CPXM1: variants seen among roughly 807,000 people sequenced by gnomAD.
CPXM1 encodes the protein probable carboxypeptidase X1.
In CPXM1, 72 loss-of-function variants were observed where a neutral mutation model predicts 80.4. The observed-to-expected ratio is 0.90, with a 90% CI of 0.74 to 1.09. The LOEUF (loss-of-function observed/expected upper bound fraction) is 1.09. CPXM1 is among the 50% of genes least tolerant of loss of function. CPXM1 has a pLI of 0.00. For missense variants in CPXM1, 892 were observed against 999.4 expected (o/e 0.89, Z 1.45); for synonymous variants, 403 against 405.6 (o/e 0.99, Z 0.08).
rs1396602206 is a variant in CPXM1, at chr20:2,796,509, C to T, written c.1045+18G>A. On this transcript the variant is annotated intron_variant, in intron 8 of 13. Transcript: ENST00000380605. The surrounding 1 kb of genome is among the most constrained non-coding windows in gnomAD (Gnocchi z 6.8). ...GCCCTGCCCTGTGCCTACCTCTCCC[C>T]ACTCCCCATGCCAGTACCCAGCTCA... 1 of 1,613,918 alleles carries T rather than the reference C, an allele frequency of 6.2e-7. No homozygotes were observed.
At chr20:2,798,611 G>C (rs215541) in intron 2 of CPXM1, 74 bp from the exon 3 acceptor site, 1,346,632 of 1,553,506 alleles carry the variant, frequency 0.87, 592,082 homozygotes, top group East Asian at 1. Context: ...TGAGCCTAAG[G>C]TTGCTCCTGC....
At chr20:2,799,853 C>G (rs1057498840) in intron 1 of CPXM1, among the ~76,000 whole-genome samples, 13 of 152,224 alleles carry the variant, frequency 8.5e-5, no homozygotes, top group Non-Finnish European at 2.9e-5. Context: ...CGCCTTCAAA[C>G]TCTCTCCTAC....
chr20:2,797,933 A>G, intron 5 of CPXM1, 35 bp downstream of exon 5: 1 of 1,595,544 alleles, frequency 6.3e-7, no homozygotes, highest in South Asian at 1.1e-5. Context: ...CCCAACTCCC[A>G]GCATGGAGGC....
Position 2,794,083 on chromosome 20 carries a change from C to CG in CPXM1, c.*106dup. On this transcript the variant is annotated 3_prime_UTR_variant, in exon 14 of 14. Coordinates refer to ENST00000380605, the MANE Select transcript of CPXM1 (RefSeq NM_019609.5). This position sits in a 1 kb window ranked among gnomAD's most constrained non-coding sequence, Gnocchi z 5.2. Reference sequence around the variant, plus strand: ...CAACACGAAGATGAGCTAAGGTGCCCGGTAGCTTTAATGAGCACCTTTTCC... The same window carrying CG: ...CAACACGAAGATGAGCTAAGGTGCCCGGGTAGCTTTAATGAGCACCTTTTCC... The CG allele has an allele frequency of 1.4e-6, 2 of 1,457,114 alleles. No individual in the cohort carries two copies. The highest frequency in any genetic ancestry group is 2.8e-5 in the African/African-American group (2 of 70,802). 90.3% of individuals were successfully genotyped at this position (1,457,114 alleles called of 1,614,324 possible).
In CPXM1 at chr20:2,796,704, C is replaced by T. The variant is rs2088513876; in HGVS notation, c.922-54G>A. On this transcript the variant is annotated intron_variant, in intron 7 of 13. Coordinates refer to ENST00000380605, the MANE Select transcript of CPXM1 (RefSeq NM_019609.5). This position sits in a 1 kb window ranked among gnomAD's most constrained non-coding sequence, Gnocchi z 6.8. ...GGCATGGGAGGGGTACACCCAGGGG[C>T]AGATCACATGTGCCATGGAAAGACT... 3.7e-6 allele frequency: 6 copies of T among 1,601,922 alleles called. No individual in the cohort carries two copies. The highest frequency in any genetic ancestry group is 5.1e-6 in the Non-Finnish European group (6 of 1,173,138).
At chr20:2,800,297 C>G in intron 1 of CPXM1, 104 bp downstream of exon 1, 1 of 1,033,880 alleles carries the variant, frequency 9.7e-7, no homozygotes, top group Non-Finnish European at 1.3e-6. Context: ...TGTGAGTGTG[C>G]GTGGGTGTGC....
Position 2,800,401 on chromosome 20 carries a change from C to A in CPXM1, c.172G>T (p.Gly58Trp), listed in dbSNP as rs761777069. 6.5e-7 allele frequency: 1 copy of A among 1,527,616 alleles called. No individual in the cohort carries two copies. The highest frequency in any genetic ancestry group is 8.7e-7 in the Non-Finnish European group (1 of 1,145,386). The allele number at this position is 1,527,616 out of a possible 1,614,324, so 94.6% of individuals were successfully genotyped here. ...GCGGACCGTCGGTCGGGGAACTCAC[C>A]GTTAGCTGTCTCCGCCGGCGGCTGT... ...PAQPPAETAN[G>W]TSEQHVRIRV... The change falls in exon 1 of 14, where the codon GGG becomes TGG. Residue 58 changes from glycine to tryptophan, a missense_variant and splice_region_variant. Gly to Trp is a radical substitution (Grantham distance 184, BLOSUM62 -2). Transcript: ENST00000380605.
Position 2,797,995 on chromosome 20 carries a change from A to G in CPXM1, c.654T>C (p.Ser218=), listed in dbSNP as rs755438489. Residue 218 remains serine, a synonymous_variant, in exon 5 of 14, where the codon AGT becomes AGC. Coordinates refer to ENST00000380605, the MANE Select transcript of CPXM1 (RefSeq NM_019609.5). ...CGTCCATCCCACTGCTGTGGTTCCT[A>G]CTTCCCCACCAGGTCCGACTGTCAT... The part of the protein sequence containing the change: ...FSNDSRTWWG[S]RNHSSGMDAV... 9 of 1,613,902 alleles carry G rather than the reference A, an allele frequency of 5.6e-6. No individual in the cohort carries two copies. Among genetic ancestry groups the G allele is most frequent in the Admixed American group, 1.7e-5 (1 of 60,010 alleles).
Position 2,795,690 on chromosome 20 carries a change from C to T in CPXM1, c.1629G>A (p.Met543Ile). Residue 543 changes from methionine (M) to isoleucine (I), a missense_variant, in exon 11 of 14, where the codon ATG (methionine) becomes ATA (isoleucine). By Grantham distance (10) the Met-to-Ile change is conservative. Around this residue, in one of 2 missense-constraint regions of CPXM1, gnomAD observed 874 missense variants for 958.4 expected, o/e 0.91. Transcript: ENST00000380605. This position sits in a 1 kb window ranked among gnomAD's most constrained non-coding sequence, Gnocchi z 5.4. ...GGCAGGGTCGGCGGCTGGTGTCCTGCATGGCCAGATTACTGCCAGCATAGA... is the reference window on the plus strand; with the variant it reads ...GGCAGGGTCGGCGGCTGGTGTCCTGTATGGCCAGATTACTGCCAGCATAGA... The part of the protein sequence containing the change: ...STVYAGSNLA[M>I]QDTSRRPCHS... 1 of 1,614,040 alleles carries T rather than the reference C, an allele frequency of 6.2e-7. No homozygotes were observed. Among genetic ancestry groups the T allele is most frequent in the Non-Finnish European group, 8.5e-7 (1 of 1,180,030 alleles).
chr20:2,797,262 C>G lies in CPXM1; in HGVS notation c.762G>C (p.Leu254=). The G allele has an allele frequency of 1.9e-6, 3 of 1,570,622 alleles. No homozygotes were observed. Among genetic ancestry groups the G allele is most frequent in the Non-Finnish European group, 2.6e-6 (3 of 1,155,556 alleles). Residue 254 remains leucine (L), a synonymous_variant, in exon 6 of 14, where the codon CTG becomes CTC. Coordinates refer to ENST00000380605, the MANE Select transcript of CPXM1 (RefSeq NM_019609.5). ...PEPQVARFIR[L]LPQTWLQGGA... is the part of the protein sequence containing the mutation. ...CTCCCTGGAGCCAGGTCTGGGGCAG[C>G]AGGCGAATGAAGCGGGCCACCTGGG... is the stretch of plus-strand genomic sequence containing the variant.
chr20:2,795,933 A>T lies in CPXM1; in HGVS notation c.1423-37T>A, dbSNP rs751132169. 1.9e-5 allele frequency: 31 copies of T among 1,601,652 alleles called. No individual in the cohort carries two copies. Among genetic ancestry groups the T allele is most frequent in the Non-Finnish European group, 2.6e-5 (31 of 1,171,590 alleles). ...AGGTCAGGAGGGGCAGGAGACAGAG[A>T]CAAGGTCCGCCCCCCACAGACCTCC... On this transcript the variant is annotated intron_variant, in intron 10 of 13. Coordinates refer to ENST00000380605, the MANE Select transcript of CPXM1 (RefSeq NM_019609.5). This position sits in a 1 kb window ranked among gnomAD's most constrained non-coding sequence, Gnocchi z 5.4.
At chr20:2,800,076 T>A (rs1362179010) in intron 1 of CPXM1, among the ~76,000 whole-genome samples, 1 of 151,898 alleles carries the variant, frequency 6.6e-6, no homozygotes, top group South Asian at 2.1e-4. Flanking sequence ...TGAGGGAGTG[T>A]GAGTGTGTAT....
In CPXM1 at chr20:2,795,236, G is replaced by A. The variant is rs1046457388; in HGVS notation, c.1860+41C>T. 5 of 1,602,812 alleles carry A rather than the reference G, an allele frequency of 3.1e-6. No homozygotes were observed. Among genetic ancestry groups the A allele is most frequent in the African/African-American group, 1.3e-5 (1 of 74,826 alleles). ...GAGCTGTAGCCTAAATGGACAGCAG[G>A]AGTGATTCAGGCAGGCTGGGGGCCG... On this transcript the variant is annotated intron_variant, in intron 12 of 13. Coordinates refer to ENST00000380605, the MANE Select transcript of CPXM1 (RefSeq NM_019609.5). The surrounding 1 kb of genome is among the most constrained non-coding windows in gnomAD (Gnocchi z 5.4).
chr20:2,799,465 C>T (rs1337448909), intron 1 of CPXM1, among the ~76,000 whole-genome samples: 9 of 152,182 alleles, frequency 5.9e-5, no homozygotes, highest in Non-Finnish European at 1.3e-4. Context: ...TGGGCCTGCC[C>T]GCCGGCCCTT....
Position 2,794,618 on chromosome 20 carries a change from C to T in CPXM1, c.1882G>A (p.Val628Met). 4 of 1,612,668 alleles carry T rather than the reference C, an allele frequency of 2.5e-6. No individual in the cohort carries two copies. Among genetic ancestry groups the T allele is most frequent in the Middle Eastern group, 1.6e-4 (1 of 6,062 alleles). The change falls in exon 13 of 14, where the codon GTG (valine) becomes ATG (methionine). Residue 628 changes from valine (V) to methionine (M), a missense_variant. This residue lies in a region of CPXM1 where 874 missense variants were observed against 958.4 expected (regional missense o/e 0.91). Transcript: ENST00000380605. This position sits in a 1 kb window ranked among gnomAD's most constrained non-coding sequence, Gnocchi z 5.2. The part of the protein sequence containing the change: ...LEQVRMGIAG[V>M]VRDKDTELGI... The stretch of plus-strand genomic sequence containing the variant: ...AGCTCCGTGTCCTTGTCCCTCACCA[C>T]TCCTGCAATGCCCATGCGCACCTGT...
Position 2,796,558 on chromosome 20 carries a change from T to C in CPXM1, c.1014A>G (p.Glu338=). 1 of 1,614,148 alleles carries C rather than the reference T, an allele frequency of 6.2e-7. No individual in the cohort carries two copies. Among genetic ancestry groups the C allele is most frequent in the African/African-American group, 1.3e-5 (1 of 75,054 alleles). The change falls in exon 8 of 14, where the codon GAA becomes GAG. Residue 338 remains glutamate, a synonymous_variant. Coordinates refer to ENST00000380605, the MANE Select transcript of CPXM1 (RefSeq NM_019609.5). The surrounding 1 kb of genome is among the most constrained non-coding windows in gnomAD (Gnocchi z 6.8). ...CATGCTCCCCAGGCTTGTCCGACAT[T>C]TCCATCACATACAGCTTCAGGCCCT... ...SYQGLKLYVM[E]MSDKPGEHEL...
chr20:2,796,209 G>T lies in CPXM1; in HGVS notation c.1242+38C>A, dbSNP rs770449830. ...AAGTCGAGCAGGTCCAGCCACCAGG[G>T]CAGAAGGACAGAGTGGCCCTCATGC... is the stretch of plus-strand genomic sequence containing the variant. On this transcript the variant is annotated intron_variant, in intron 9 of 13. Coordinates refer to ENST00000380605, the MANE Select transcript of CPXM1 (RefSeq NM_019609.5). This position sits in a 1 kb window ranked among gnomAD's most constrained non-coding sequence, Gnocchi z 6.8. 6.2e-7 allele frequency: 1 copy of T among 1,610,056 alleles called. No homozygotes were observed. Among genetic ancestry groups the T allele is most frequent in the East Asian group, 2.2e-5 (1 of 44,838 alleles).
chr20:2,798,322 AG>A, intron 3 of CPXM1, 31 bp from the exon 4 acceptor site: 1 of 1,611,660 alleles, frequency 6.2e-7, no homozygotes, highest in South Asian at 1.1e-5. Context: ...GGTCAGGCCC[AG>A]TTGGACAGAG....
At position 2,800,264 on chromosome 20, in the gene CPXM1, C is replaced by A. The variant is rs1255329856; in HGVS notation, c.172+137G>T. On this transcript the variant is annotated intron_variant, in intron 1 of 13. Transcript: ENST00000380605. ...GTGTGTGCGCGTGAGTGCGAGTGTG[C>A]GTGCGGGGTGAGTGTGCATGACTGT... is the stretch of plus-strand genomic sequence containing the variant. 16 of 755,784 alleles carry A rather than the reference C, an allele frequency of 2.1e-5. No individual in the cohort carries two copies. In the East Asian group the frequency reaches 5.4e-4, roughly 26 times the overall value. 46.8% of individuals were successfully genotyped at this position (755,784 alleles called of 1,614,324 possible).
Sources: gnomAD v4.1 joint callset for allele counts (sites outside exome capture counted in the v4.1 genomes callset) on GRCh38, gnomAD v4.1.1 for gene constraint, gnomAD v4.1.1 regional missense constraint, Gnocchi (gnomAD v3.1) non-coding constraint, MANE v1.5 for transcripts, NCBI Gene and HGNC (gene_info 2026-07-23, HGNC 2026-07-21) for gene names.